ATP1A2: variants seen among roughly 807,000 people sequenced by gnomAD.
The protein encoded by ATP1A2 is sodium/potassium-transporting ATPase subunit alpha-2.
A neutral mutation model predicts 113.1 loss-of-function variants in ATP1A2; 56 were observed. The ratio of observed to expected loss-of-function variants is 0.49; its 90% CI spans 0.40 to 0.62. The LOEUF (loss-of-function observed/expected upper bound fraction) is 0.62. Among genes scored for constraint, ATP1A2 ranks in the 20% least tolerant of loss-of-function variants. The probability of loss-of-function intolerance (pLI) is 0.00; values close to 1 mark genes in which losing one functional copy is unlikely to be tolerated. For synonymous variants in ATP1A2, 490 were observed against 526.8 expected, an observed-to-expected ratio of 0.93 and a Z score of 0.96; for missense variants, 712 against 1,357.8, an observed-to-expected ratio of 0.52 and a Z score of 7.47.
At chr1:160,125,331 CT>C in intron 7 of ATP1A2, 78 bp downstream of exon 7, 1 of 1,372,162 alleles carries the variant, frequency 7.3e-7, no homozygotes, top group Non-Finnish European at 1.0e-6. Flanking sequence ...TCTGGTAGTA[CT>C]TACCTGGCAA....
intron 20 of ATP1A2, among the ~76,000 whole-genome samples, chr1:160,138,547 C>T (rs1394384564): frequency 6.6e-6 from 1 of 152,098 alleles, no homozygotes; most frequent in Non-Finnish European, 1.5e-5. Flanking sequence ...TGTAAGAATA[C>T]AAAAGATGGA....
At chr1:160,126,210 G>C (rs1011291368) in intron 7 of ATP1A2, among the ~76,000 whole-genome samples, 1 of 151,950 alleles carries the variant, frequency 6.6e-6, no homozygotes, top group Admixed American at 6.6e-5. Context: ...ATATGAAATC[G>C]CATAATATTT....
intron 3 of ATP1A2, 125 bp downstream of exon 3, chr1:160,121,376 C>A (rs1651392910): frequency 1.7e-6 from 2 of 1,155,578 alleles, no homozygotes; most frequent in Non-Finnish European, 2.6e-6. Flanking sequence ...GGCCCAGAAA[C>A]AAGGACTGGC....
rs748392461 is a variant in ATP1A2, at chr1:160,128,862, C to T, written c.1216+12C>T. 5.0e-6 allele frequency: 8 copies of T among 1,614,048 alleles called. No individual in the cohort carries two copies. Among genetic ancestry groups the T allele is most frequent in the Non-Finnish European group, 6.8e-6 (8 of 1,179,978 alleles). On this transcript the variant is annotated intron_variant, in intron 9 of 22. Coordinates refer to ENST00000361216, the MANE Select transcript of ATP1A2 (RefSeq NM_000702.4). ...CGAAGATCAGTCTGGTGATTGGGTG[C>T]TCCAGAGGGGGTGGATAGGATTAGA... is the stretch of plus-strand genomic sequence containing the variant.
rs1651669019 is a variant in ATP1A2 at position 160,128,850 on chromosome 1, G to A, written c.1216G>A (p.Gly406Arg). The change falls in exon 9 of 23, where the codon GGG becomes AGG. Residue 406 changes from glycine (G) to arginine (R), a missense_variant and splice_region_variant. By Grantham distance (125) the Gly-to-Arg change is moderately radical (BLOSUM62 -2). Coordinates refer to ENST00000361216, the MANE Select transcript of ATP1A2 (RefSeq NM_000702.4). ...GGCTGACACCACCGAAGATCAGTCT[G>A]GTGATTGGGTGCTCCAGAGGGGGTG... is the stretch of plus-strand genomic sequence containing the variant. Reference protein sequence around the residue: ...HEADTTEDQSGATFDKRSPTW... With the variant: ...HEADTTEDQSRATFDKRSPTW... 1 of 1,614,044 alleles carries A rather than the reference G, an allele frequency of 6.2e-7. No individual in the cohort carries two copies. The highest frequency in any genetic ancestry group is 1.1e-5 in the South Asian group (1 of 91,080).
chr1:160,122,787 G>A (rs868279154), intron 3 of ATP1A2, among the ~76,000 whole-genome samples: 7 of 151,848 alleles, frequency 4.6e-5, no homozygotes, highest in East Asian at 1.9e-4. Flanking sequence ...GCACCACTGC[G>A]CTCCAGCCTG....
chr1:160,138,375 T>A (rs1243251052), intron 20 of ATP1A2, among the ~76,000 whole-genome samples: 1 of 152,254 alleles, frequency 6.6e-6, no homozygotes, highest in Non-Finnish European at 1.5e-5. Context: ...AAGCCATGGA[T>A]AGTTCTAATT....
chr1:160,121,915 T>C (rs1029708148), intron 3 of ATP1A2, among the ~76,000 whole-genome samples: 13 of 152,170 alleles, frequency 8.5e-5, no homozygotes, highest in African/African-American at 2.9e-4. Flanking sequence ...GCAGATCACT[T>C]AAGGTCAGCG....
rs116347119 is a variant in ATP1A2 at position 160,141,142 on chromosome 1, A to G, written c.3035-152A>G. On this transcript the variant is annotated intron_variant, in intron 22 of 22. Transcript: ENST00000361216. ...ATTACAGGCATGAGCCACTGCACCC[A>G]GCCTCCTTCCACCTTCCTAAGCCAC... is the stretch of plus-strand genomic sequence containing the variant. 6,194 of 894,276 alleles carry G rather than the reference A, an allele frequency of 6.9e-3. 245 individuals are homozygous for G. In the African/African-American group the frequency reaches 0.087, roughly 13 times the overall value. 55.4% of individuals were successfully genotyped at this position (894,276 alleles called of 1,614,324 possible).
chr1:160,121,709 T>C (rs1651406658), intron 3 of ATP1A2, among the ~76,000 whole-genome samples: 1 of 152,238 alleles, frequency 6.6e-6, no homozygotes, highest in Non-Finnish European at 1.5e-5. Flanking sequence ...CCCTTTGAGA[T>C]AGGTATTGCA....
Position 160,123,940 on chromosome 1 carries a change from C to A in ATP1A2, c.382-3C>A. The A allele has an allele frequency of 1.2e-6, 2 of 1,613,988 alleles. No homozygotes were observed. Among genetic ancestry groups the A allele is most frequent in the South Asian group, 1.1e-5 (1 of 91,072 alleles). ...GGTCCCTGAAACTCTTTCTCCTTACCAGCTATATCTGGGTGTGGTGCTGGC... is the reference window on the plus strand; with the variant it reads ...GGTCCCTGAAACTCTTTCTCCTTACAAGCTATATCTGGGTGTGGTGCTGGC... On this transcript the variant is annotated splice_region_variant and splice_polypyrimidine_tract_variant and intron_variant, in intron 4 of 22. Transcript: ENST00000361216.
At chr1:160,133,833 T>C (rs1159586913) in intron 13 of ATP1A2, among the ~76,000 whole-genome samples, 2 of 152,034 alleles carry the variant, frequency 1.3e-5, no homozygotes, top group Non-Finnish European at 1.5e-5. Context: ...CTAAAATATC[T>C]CCTAAATAAT....
rs386368465 is a variant in ATP1A2, at chr1:160,119,256, C to CAAAAAAAAAAAAAAAAAAAAA, written c.13-1643_13-1623dup. Among the ~76,000 whole-genome samples the CAAAAAAAAAAAAAAAAAAAAA allele has an allele frequency of 1.6e-4, 8 of 49,464 alleles. 3 individuals carry two copies. Among genetic ancestry groups the CAAAAAAAAAAAAAAAAAAAAA allele is most frequent in the African/African-American group, 2.0e-4 (2 of 10,054 alleles). The allele number at this position is 49,464 out of a possible 152,430, so 32.5% of individuals were successfully genotyped here. On this transcript the variant is annotated intron_variant, in intron 1 of 22. Transcript: ENST00000361216. The stretch of plus-strand genomic sequence containing the variant: ...AAACCCCCAAAACTGCATTATCCTG[C>CAAAAAAAAAAAAAAAAAAAAA]AAAAAAAAAAAAAAAAAAAAAAAAA...
chr1:160,139,598 A>G, intron 20 of ATP1A2, 42 bp from the exon 21 acceptor site: 1 of 1,568,806 alleles, frequency 6.4e-7, no homozygotes. Context: ...CTCTGCCTCC[A>G]TGATCCCCCT....
At chr1:160,123,087 C>G in intron 3 of ATP1A2, 126 bp from the exon 4 acceptor site, 1 of 1,084,532 alleles carries the variant, frequency 9.2e-7, no homozygotes, top group South Asian at 1.3e-5. Flanking sequence ...GTCCCCCACC[C>G]CTTCCAACCA....
chr1:160,135,635 A>G lies in ATP1A2; in HGVS notation c.2284+33A>G. On this transcript the variant is annotated intron_variant, in intron 16 of 22. Transcript: ENST00000361216. The surrounding 1 kb of genome is among the most constrained non-coding windows in gnomAD (Gnocchi z 6.3). ...GGCTGCATGGGTTGGGATGGTTTGC[A>G]GGATACTGAAGCCGGCACCTCTGTT... 1.2e-6 allele frequency: 2 copies of G among 1,612,742 alleles called. No individual in the cohort carries two copies. Among genetic ancestry groups the G allele is most frequent in the Non-Finnish European group, 1.7e-6 (2 of 1,180,000 alleles).
rs1651890053 is a variant in ATP1A2, at chr1:160,135,031, G to A, written c.1965-114G>A. ...AGGAGAGGAGAACTGAAGCAACAGG[G>A]GAAGCAGGCTCAGCAGGGAGCCTGC... On this transcript the variant is annotated intron_variant, in intron 14 of 22. Coordinates refer to ENST00000361216, the MANE Select transcript of ATP1A2 (RefSeq NM_000702.4). This position sits in a 1 kb window ranked among gnomAD's most constrained non-coding sequence, Gnocchi z 6.3. 3 of 1,376,672 alleles carry A rather than the reference G, an allele frequency of 2.2e-6. No individual in the cohort carries two copies. In the South Asian group the frequency reaches 3.6e-5, roughly 17 times the overall value. The allele number at this position is 1,376,672 out of a possible 1,614,324, so 85.3% of individuals were successfully genotyped here.
chr1:160,130,791 G>A (rs1451657256), intron 13 of ATP1A2, among the ~76,000 whole-genome samples, 194 bp downstream of exon 13: 3 of 152,222 alleles, frequency 2.0e-5, no homozygotes, highest in Admixed American at 6.5e-5. Flanking sequence ...TTTGCTCAGA[G>A]AGGCCAGTGT....
At chr1:160,134,035 C>T (rs916421954) in intron 13 of ATP1A2, among the ~76,000 whole-genome samples, 4 of 151,690 alleles carry the variant, frequency 2.6e-5, no homozygotes, top group African/African-American at 9.7e-5. Flanking sequence ...CACATACACA[C>T]ACATCCCACA....
Sources: allele counts gnomAD v4.1 joint callset (sites outside exome capture counted in the v4.1 genomes callset), GRCh38; gene constraint gnomAD v4.1.1; non-coding constraint Gnocchi (gnomAD v3.1); transcripts MANE v1.5; gene names NCBI Gene and HGNC (gene_info 2026-07-23, HGNC 2026-07-21).